The following EXT2 variants were observed in gnomAD, a reference collection of about 807,000 sequenced individuals.
EXT2 encodes exostosin glycosyltransferase 2, also known as exostosin-2.
In EXT2, 53 loss-of-function variants were observed where a neutral mutation model predicts 81.6. The observed-to-expected ratio is 0.65, with a 90% confidence interval of 0.52 to 0.82. The LOEUF (loss-of-function observed/expected upper bound fraction) is 0.82, where lower values mean the gene tolerates loss of function less well. EXT2 is among the 40% of genes least tolerant of loss of function. The probability of loss-of-function intolerance (pLI) is 0.00; values close to 1 mark genes in which losing one functional copy is unlikely to be tolerated. For synonymous variants in EXT2, 320 were observed against 340.0 expected (o/e 0.94, Z 0.65); for missense variants, 774 against 910.2 (o/e 0.85, Z 1.93).
chr11:44,228,348 G>A (rs1955860848), intron 10 of EXT2, among the ~76,000 whole-genome samples: 1 of 152,248 alleles, frequency 6.6e-6, no homozygotes, highest in South Asian at 2.1e-4. Flanking sequence ...AATGACAAAA[G>A]GCTTACCCAG....
intron 10 of EXT2, among the ~76,000 whole-genome samples, chr11:44,208,070 T>G (rs1316927070): frequency 1.3e-5 from 2 of 152,234 alleles, no homozygotes; most frequent in Admixed American, 6.5e-5. Context: ...GGATTTATTT[T>G]TATTCATAGG....
Position 44,197,849 on chromosome 11 carries a change from T to A in EXT2, c.1326T>A (p.Asn442Lys), listed in dbSNP as rs2135184717. The A allele has an allele frequency of 6.2e-7, 1 of 1,613,970 alleles. No homozygotes were observed. The highest frequency in any genetic ancestry group is 8.5e-7 in the Non-Finnish European group (1 of 1,179,926). Reference sequence around the variant, plus strand: ...TGTAGAAGTGGGGCAGCGTGAGCAATCCACTCTTCCTCCCGCTGATCCCAC... The same window carrying A: ...TGTAGAAGTGGGGCAGCGTGAGCAAACCACTCTTCCTCCCGCTGATCCCAC... ...PPAVKWGSVS[N>K]PLFLPLIPPQ... Residue 442 changes from asparagine to lysine, a missense_variant, in exon 9 of 14, where the codon AAT (asparagine) becomes AAA (lysine). This residue lies in a region of EXT2 where 626 missense variants were observed against 670.5 expected (regional missense o/e 0.93). Transcript: ENST00000533608.
intron 1 of EXT2, 104 bp from the exon 2 acceptor site, chr11:44,107,579 G>A (rs1012678049): frequency 5.4e-6 from 6 of 1,102,530 alleles, no homozygotes; most frequent in Non-Finnish European, 7.6e-6. Flanking sequence ...GTGAAACCCT[G>A]TCTCAAAACA....
At chr11:44,175,951 G>A (rs1263261782) in intron 8 of EXT2, among the ~76,000 whole-genome samples, 1 of 152,162 alleles carries the variant, frequency 6.6e-6, no homozygotes, top group Non-Finnish European at 1.5e-5. Context: ...AAGATCATTG[G>A]CAAGTTGGCA....
At chr11:44,149,153 G>A (rs1303612066) in intron 7 of EXT2, among the ~76,000 whole-genome samples, 1 of 152,144 alleles carries the variant, frequency 6.6e-6, no homozygotes, top group Non-Finnish European at 1.5e-5. Context: ...CTTGGGCCCA[G>A]GAGCTCAAAA....
At chr11:44,141,605 G>A (rs182814026) in intron 7 of EXT2, among the ~76,000 whole-genome samples, 4 of 152,324 alleles carry the variant, frequency 2.6e-5, no homozygotes, top group African/African-American at 7.2e-5. Flanking sequence ...AAAGTTGTCA[G>A]TAAATTTATG....
chr11:44,204,383 G>T (rs937831894), intron 9 of EXT2, among the ~76,000 whole-genome samples: 1 of 151,100 alleles, frequency 6.6e-6, no homozygotes, highest in Non-Finnish European at 1.5e-5. Context: ...CAATGTGTTT[G>T]TGTGTGTGTG....
intron 1 of EXT2, among the ~76,000 whole-genome samples, chr11:44,097,017 G>C (rs907455305): frequency 2.6e-5 from 4 of 152,164 alleles, no homozygotes; most frequent in Non-Finnish European, 5.9e-5. Flanking sequence ...TGGATAATCA[G>C]TTTTGGGGCC....
At chr11:44,230,926 T>C (rs978663580) in intron 10 of EXT2, among the ~76,000 whole-genome samples, 20 of 152,156 alleles carry the variant, frequency 1.3e-4, no homozygotes, top group African/African-American at 4.8e-4. Context: ...ACTTGTGTGT[T>C]GGGGAAGCCT....
intron 8 of EXT2, among the ~76,000 whole-genome samples, chr11:44,194,258 C>A (rs1955429756): frequency 6.6e-6 from 1 of 152,154 alleles, no homozygotes; most frequent in African/African-American, 2.4e-5. Flanking sequence ...AATTTATGTG[C>A]ACACTTTGTG....
chr11:44,122,199 A>G lies in EXT2; in HGVS notation c.744-2590A>G, dbSNP rs531386434. ...TTGTTTGGAAAGACCTTTAAAGACCATTTAGCTCTTAACTTGATGCATGAC... is the reference window on the plus strand; with the variant it reads ...TTGTTTGGAAAGACCTTTAAAGACCGTTTAGCTCTTAACTTGATGCATGAC... On this transcript the variant is annotated intron_variant, in intron 4 of 13. Coordinates refer to ENST00000533608, the MANE Select transcript of EXT2 (RefSeq NM_207122.2). 6.6e-5 allele frequency among the ~76,000 whole-genome samples: 10 copies of G among 152,312 alleles called. No individual in the cohort carries two copies. In the South Asian group the frequency reaches 1.9e-3, roughly 28 times the overall value.
intron 7 of EXT2, among the ~76,000 whole-genome samples, chr11:44,165,938 T>C (rs1268412669): frequency 6.6e-6 from 1 of 152,226 alleles, no homozygotes; most frequent in Non-Finnish European, 1.5e-5. Context: ...GTGATTCTGC[T>C]CCTTAATATC....
chr11:44,236,714 G>A (rs1955969598), intron 13 of EXT2, among the ~76,000 whole-genome samples: 1 of 152,086 alleles, frequency 6.6e-6, no homozygotes, highest in Admixed American at 6.6e-5. Flanking sequence ...TATTTTTCAG[G>A]GTAATAGCTC....
intron 5 of EXT2, 132 bp from the exon 6 acceptor site, chr11:44,126,684 G>T: frequency 9.4e-7 from 1 of 1,061,132 alleles, no homozygotes; most frequent in Non-Finnish European, 1.5e-6. Flanking sequence ...GTTGTCTTTT[G>T]GCATTTTTGT....
chr11:44,102,261 C>G (rs544657136), intron 1 of EXT2, among the ~76,000 whole-genome samples: 6 of 152,118 alleles, frequency 3.9e-5, no homozygotes, highest in Non-Finnish European at 7.3e-5. Context: ...GATAACAGTA[C>G]CAGGCAACCC....
chr11:44,107,575 C>A (rs966902369), intron 1 of EXT2, 108 bp from the exon 2 acceptor site: 3 of 1,046,948 alleles, frequency 2.9e-6, no homozygotes, highest in East Asian at 5.1e-5. Context: ...CAGAGTGAAA[C>A]CCTGTCTCAA....
intron 8 of EXT2, among the ~76,000 whole-genome samples, chr11:44,180,463 G>A (rs191486213): frequency 3.9e-5 from 6 of 152,044 alleles, no homozygotes; most frequent in African/African-American, 4.8e-5. Context: ...GTTTTTTCCC[G>A]CAGTTTTCCA....
At position 44,173,072 on chromosome 11, in the gene EXT2, C is replaced by G. The variant is rs995720994; in HGVS notation, c.1305+1330C>G. 5.3e-5 allele frequency among the ~76,000 whole-genome samples: 8 copies of G among 152,262 alleles called. No homozygotes were observed. In the South Asian group the frequency reaches 6.2e-4, roughly 12 times the overall value. On this transcript the variant is annotated intron_variant, in intron 8 of 13. Coordinates refer to ENST00000533608, the MANE Select transcript of EXT2 (RefSeq NM_207122.2). Reference sequence around the variant, plus strand: ...AAGACAGTTCCTGCCTTCAAAGAAGCTCTCCGCTGATTTGGGAAGCTAGCA... The same window carrying G: ...AAGACAGTTCCTGCCTTCAAAGAAGGTCTCCGCTGATTTGGGAAGCTAGCA...
chr11:44,154,968 C>A (rs550667209), intron 7 of EXT2, among the ~76,000 whole-genome samples: 1 of 151,572 alleles, frequency 6.6e-6, no homozygotes, highest in South Asian at 2.1e-4. Context: ...TTTTTTTTTG[C>A]TATTAAGTTG....
Sources: allele counts gnomAD v4.1 joint callset (sites outside exome capture counted in the v4.1 genomes callset), GRCh38; gene constraint gnomAD v4.1.1; regional missense constraint gnomAD v4.1.1; transcripts MANE v1.5; gene names NCBI Gene and HGNC (gene_info 2026-07-23, HGNC 2026-07-21).